PPP2R2B: variants seen among roughly 807,000 people sequenced by gnomAD.
PPP2R2B encodes serine/threonine-protein phosphatase 2A 55 kDa regulatory subunit B beta isoform.
Under a neutral mutation model 46.0 loss-of-function variants are expected in PPP2R2B, and 5 were observed. The ratio of observed to expected loss-of-function variants is 0.11; its 90% CI spans 0.06 to 0.23. PPP2R2B has a LOEUF of 0.23. Among genes scored for constraint, PPP2R2B ranks in the 10% least tolerant of loss-of-function variants. The pLI is 1.00. For synonymous variants in PPP2R2B, 215 were observed against 206.7 expected, an observed-to-expected ratio of 1.04 and a Z score of -0.34; for missense variants, 367 against 575.0, an observed-to-expected ratio of 0.64 and a Z score of 3.70.
chr5:146,631,011 C>T (rs1478715693), intron 7 of PPP2R2B, among the ~76,000 whole-genome samples: 3 of 152,228 alleles, frequency 2.0e-5, no homozygotes, highest in Non-Finnish European at 2.9e-5. Context: ...TTTGCCTCCC[C>T]TGTTTTGACC....
chr5:146,639,666 A>T (rs1775064469), intron 6 of PPP2R2B, among the ~76,000 whole-genome samples: 1 of 152,148 alleles, frequency 6.6e-6, no homozygotes, highest in Non-Finnish European at 1.5e-5. Flanking sequence ...AGATTTTCCT[A>T]CTCGTGAGCC....
intron 1 of PPP2R2B, among the ~76,000 whole-genome samples, chr5:146,990,846 CAAT>C (rs958884895): frequency 3.3e-5 from 5 of 151,654 alleles, no homozygotes; most frequent in Non-Finnish European, 7.4e-5. Context: ...ATAAGAAACT[CAAT>C]GATTCAATAG....
chr5:147,077,702 G>A (rs1757831239), intron 2 of PPP2R2B, among the ~76,000 whole-genome samples: 1 of 152,096 alleles, frequency 6.6e-6, no homozygotes, highest in African/African-American at 2.4e-5. Flanking sequence ...CCATGCCAGT[G>A]GCTGTGTGTT....
chr5:146,655,462 C>T (rs1776263482), intron 5 of PPP2R2B, among the ~76,000 whole-genome samples: 1 of 152,224 alleles, frequency 6.6e-6, no homozygotes, highest in African/African-American at 2.4e-5. Flanking sequence ...AGTCTATCCT[C>T]TTCCCCAACT....
chr5:146,600,265 A>G (rs749532379), intron 8 of PPP2R2B, 26 bp downstream of exon 8: 3 of 1,609,746 alleles, frequency 1.9e-6, no homozygotes, highest in Admixed American at 1.7e-5. Flanking sequence ...TGTTCAATAT[A>G]CCTATGGGTG....
intron 2 of PPP2R2B, among the ~76,000 whole-genome samples, chr5:146,807,776 C>CTTTTT (rs10583721): frequency 0.063 from 2,314 of 36,900 alleles, 805 homozygotes; most frequent in Non-Finnish European, 0.096. Context: ...GGGGTGCCTT[C>CTTTTT]TTTTTTTTTT....
intron 1 of PPP2R2B, among the ~76,000 whole-genome samples, chr5:146,985,508 T>A (rs1304145377): frequency 6.6e-6 from 1 of 152,192 alleles, no homozygotes; most frequent in Non-Finnish European, 1.5e-5. Flanking sequence ...TTTTCTCCTA[T>A]AATTTCTTCT....
chr5:146,697,138 A>T (rs1779221441), intron 4 of PPP2R2B, among the ~76,000 whole-genome samples: 1 of 152,224 alleles, frequency 6.6e-6, no homozygotes, highest in East Asian at 1.9e-4. Flanking sequence ...ATAGACTCAC[A>T]TATGAGATAA....
At position 146,586,295 on chromosome 5, in the gene PPP2R2B, G is replaced by C. The variant is rs1770157486; in HGVS notation, c.*3652C>G. ...ATCACGGAAGAGGGAAAATTAGTAA[G>C]GGTTCCACCATTCAGGCTGTGGACT... On this transcript the variant is annotated 3_prime_UTR_variant, in exon 10 of 10. Coordinates refer to ENST00000394411, the MANE Select transcript of PPP2R2B (RefSeq NM_181675.4). 3 of 152,178 alleles carry C rather than the reference G, an allele frequency of 2.0e-5. No homozygotes were observed. Among genetic ancestry groups the C allele is most frequent in the Non-Finnish European group, 2.9e-5 (2 of 68,038 alleles). The allele number at this position is 152,178 out of a possible 1,614,324, so 9.4% of individuals were successfully genotyped here. A position where few individuals can be genotyped will look rare whatever the true frequency, so the allele number is the denominator to read the frequency against.
intron 1 of PPP2R2B, among the ~76,000 whole-genome samples, chr5:146,892,842 A>G (rs1762532438): frequency 6.6e-6 from 1 of 152,230 alleles, no homozygotes; most frequent in Admixed American, 6.5e-5. Context: ...AGAATTTTTC[A>G]TATTAATTTG....
At chr5:146,995,572 CT>C (rs1276115046) in intron 1 of PPP2R2B, among the ~76,000 whole-genome samples, 2 of 152,176 alleles carry the variant, frequency 1.3e-5, no homozygotes, top group African/African-American at 2.4e-5. Flanking sequence ...ATAAAGGTTA[CT>C]TTTAGTATCC....
At chr5:147,077,117 ATTG>A (rs1757794426) in intron 2 of PPP2R2B, among the ~76,000 whole-genome samples, 5 of 132,122 alleles carry the variant, frequency 3.8e-5, no homozygotes, top group African/African-American at 1.3e-4. Context: ...AATATGTAAT[ATTG>A]TATATTGTAT....
At chr5:146,738,258 T>C (rs1242066514) in intron 2 of PPP2R2B, among the ~76,000 whole-genome samples, 2 of 151,260 alleles carry the variant, frequency 1.3e-5, no homozygotes, top group African/African-American at 4.9e-5. Context: ...TAGCCGGGCG[T>C]GATGGCGGGT....
chr5:146,888,446 C>G (rs556315756), intron 1 of PPP2R2B, among the ~76,000 whole-genome samples: 2 of 152,296 alleles, frequency 1.3e-5, no homozygotes, highest in South Asian at 2.1e-4. Flanking sequence ...CATGCTCCAA[C>G]TATCATCCTA....
rs936309889 is a variant in PPP2R2B at position 146,864,818 on chromosome 5, A to G, written c.70+13184T>C. Among the ~76,000 whole-genome samples the G allele has an allele frequency of 3.3e-5, 5 of 152,242 alleles. 1 individual carries two copies. Among genetic ancestry groups the G allele is most frequent in the African/African-American group, 1.2e-4 (5 of 41,504 alleles). Reference sequence around the variant, plus strand: ...ATTTTTTCTCTGATCTTCACCCCACATAAGTTTCCTAGGATAAACTTAAGC... The same window carrying G: ...ATTTTTTCTCTGATCTTCACCCCACGTAAGTTTCCTAGGATAAACTTAAGC... On this transcript the variant is annotated intron_variant, in intron 2 of 9. Transcript: ENST00000394411.
In PPP2R2B at chr5:146,610,029, C is replaced by T. The variant is rs1019614693; in HGVS notation, c.791-9569G>A. Reference sequence around the variant, plus strand: ...GGAGGCCTGCCTGCCTCTGTGGGCTCCACCTCTGGGGGCAGGGCACAGACA... The same window carrying T: ...GGAGGCCTGCCTGCCTCTGTGGGCTTCACCTCTGGGGGCAGGGCACAGACA... On this transcript the variant is annotated intron_variant, in intron 7 of 9. Coordinates refer to ENST00000394411, the MANE Select transcript of PPP2R2B (RefSeq NM_181675.4). Among the ~76,000 whole-genome samples, 583 of 129,634 alleles carry T rather than the reference C, an allele frequency of 4.5e-3. 48 individuals are homozygous for T. Among genetic ancestry groups the T allele is most frequent in the African/African-American group, 0.019 (559 of 30,016 alleles). The allele number at this position is 129,634 out of a possible 152,430, so 85.0% of individuals were successfully genotyped here. A position where few individuals can be genotyped will look rare whatever the true frequency, so the allele number is the denominator to read the frequency against.
intron 1 of PPP2R2B, among the ~76,000 whole-genome samples, chr5:146,935,619 G>T (rs1764113621): frequency 6.6e-6 from 1 of 152,092 alleles, no homozygotes; most frequent in African/African-American, 2.4e-5. Flanking sequence ...TCCCTGAAGT[G>T]GCATTTTATC....
At chr5:146,804,381 C>T (rs1361725341) in intron 2 of PPP2R2B, among the ~76,000 whole-genome samples, 5 of 152,124 alleles carry the variant, frequency 3.3e-5, no homozygotes, top group Non-Finnish European at 7.3e-5. Flanking sequence ...TCACTACTAG[C>T]ATCTGGCAGA....
At chr5:146,629,332 G>A (rs532400756) in intron 7 of PPP2R2B, among the ~76,000 whole-genome samples, 4 of 152,036 alleles carry the variant, frequency 2.6e-5, no homozygotes, top group Non-Finnish European at 5.9e-5. Context: ...CCAAACCTAC[G>A]AGTTATCTTA....
Sources: allele counts gnomAD v4.1 joint callset (sites outside exome capture counted in the v4.1 genomes callset), GRCh38; gene constraint gnomAD v4.1.1; transcripts MANE v1.5; gene names NCBI Gene and HGNC (gene_info 2026-07-23, HGNC 2026-07-21).